HSPA12A: variants seen among roughly 807,000 people sequenced by gnomAD.
HSPA12A encodes heat shock protein family A (Hsp70) member 12A, also known as heat shock 70 kDa protein 12A.
A neutral mutation model predicts 69.2 loss-of-function variants in HSPA12A; 28 were observed. That is an observed-to-expected ratio of 0.40 (90% CI 0.30 to 0.55). The LOEUF (loss-of-function observed/expected upper bound fraction) is 0.55, where lower values mean the gene tolerates loss of function less well. Ranked by LOEUF, HSPA12A falls within the 20% of genes least tolerant of loss-of-function variation. The pLI is 0.38. For missense variants in HSPA12A, 686 were observed against 900.7 expected (o/e 0.76, Z 3.05); for synonymous variants, 345 against 370.5 (o/e 0.93, Z 0.79).
chr10:116,704,010 G>T (rs1226186411), intron 3 of HSPA12A, among the ~76,000 whole-genome samples: 1 of 152,206 alleles, frequency 6.6e-6, no homozygotes, highest in East Asian at 1.9e-4. Flanking sequence ...TTACACTGTT[G>T]GTGGGACTGT....
chr10:116,681,380 T>G, intron 8 of HSPA12A, 124 bp from the exon 9 acceptor site: 2 of 726,898 alleles, frequency 2.8e-6, no homozygotes, highest in Non-Finnish European at 4.9e-6. Flanking sequence ...CACAATGGTT[T>G]TGCTAATTAG....
intron 1 of HSPA12A, chr10:116,835,165 G>A: frequency 2.6e-6 from 1 of 379,112 alleles, no homozygotes; most frequent in Non-Finnish European, 4.5e-6. Flanking sequence ...TGGGCGCAGA[G>A]GAGCTGGGTC....
intron 7 of HSPA12A, among the ~76,000 whole-genome samples, chr10:116,682,465 G>A (rs566176438): frequency 9.3e-5 from 14 of 150,676 alleles, no homozygotes; most frequent in East Asian, 8.0e-4. Context: ...TGGGGGGGGG[G>A]GCCATTTCCT....
chr10:116,790,066 G>T (rs1844667604), intron 2 of HSPA12A, among the ~76,000 whole-genome samples: 1 of 145,960 alleles, frequency 6.9e-6, no homozygotes, highest in Non-Finnish European at 1.5e-5. Flanking sequence ...AGGAATCCCT[G>T]CATGGTATGG....
At chr10:116,752,035 T>A (rs1554888400) in intron 2 of HSPA12A, among the ~76,000 whole-genome samples, 1 of 152,234 alleles carries the variant, frequency 6.6e-6, no homozygotes, top group Non-Finnish European at 1.5e-5. Flanking sequence ...GCTATTTCTT[T>A]ATAGCAACAC....
intron 2 of HSPA12A, chr10:116,829,425 G>A (rs1291895033): frequency 6.6e-6 from 1 of 152,354 alleles, no homozygotes; most frequent in Non-Finnish European, 1.5e-5. Flanking sequence ...AAGCAGGAAG[G>A]GGTAAGACAG....
chr10:116,681,697 A>G (rs975589008), intron 8 of HSPA12A, 94 bp downstream of exon 8: 1 of 1,134,602 alleles, frequency 8.8e-7, no homozygotes, highest in African/African-American at 1.5e-5. Flanking sequence ...GAGTTTGAAC[A>G]TTTTCCAAAA....
rs1180769654 is a variant in HSPA12A at position 116,671,525 on chromosome 10, G to A, written c.*3256C>T. On this transcript the variant is annotated 3_prime_UTR_variant, in exon 12 of 12. Coordinates refer to ENST00000369209, the MANE Select transcript of HSPA12A (RefSeq NM_025015.3). ...GACTCCTGTTTACATTGGTGCATGC[G>A]ATTCTTTGCTACCCTGGCAATTAAC... is the stretch of plus-strand genomic sequence containing the variant. 2.0e-5 allele frequency: 3 copies of A among 152,502 alleles called. No homozygotes were observed. The highest frequency in any genetic ancestry group is 7.2e-5 in the African/African-American group (3 of 41,426). 9.4% of individuals were successfully genotyped at this position (152,502 alleles called of 1,614,324 possible).
intron 2 of HSPA12A, among the ~76,000 whole-genome samples, chr10:116,786,631 G>C (rs1844582997): frequency 6.6e-6 from 1 of 151,872 alleles, no homozygotes; most frequent in Non-Finnish European, 1.5e-5. Flanking sequence ...AGAATCTCCT[G>C]GGGAATTATT....
chr10:116,787,636 T>C (rs1844606653), intron 2 of HSPA12A, among the ~76,000 whole-genome samples: 1 of 152,094 alleles, frequency 6.6e-6, no homozygotes, highest in Admixed American at 6.5e-5. Flanking sequence ...ATTATGGCCT[T>C]TGGGGAAGAA....
rs913314374 is a variant in HSPA12A, at chr10:116,686,454, T to C, written c.664-2492A>G. Among the ~76,000 whole-genome samples the C allele has an allele frequency of 7.2e-5, 11 of 152,190 alleles. No homozygotes were observed. The highest frequency in any genetic ancestry group is 2.7e-4 in the African/African-American group (11 of 41,448). The stretch of plus-strand genomic sequence containing the variant: ...AAAGAAACTGCCAGGCCTGTATGTA[T>C]ACAATTCTCCTCCAAAGTTCAAACT... On this transcript the variant is annotated intron_variant, in intron 6 of 11. Coordinates refer to ENST00000369209, the MANE Select transcript of HSPA12A (RefSeq NM_025015.3). The surrounding 1 kb of genome is among the most constrained non-coding windows in gnomAD (Gnocchi z 4.1).
intron 3 of HSPA12A, among the ~76,000 whole-genome samples, chr10:116,701,996 AAGAACCATAGAAAC>A (rs2132968695): frequency 6.6e-6 from 1 of 152,206 alleles, no homozygotes; most frequent in African/African-American, 2.4e-5. Flanking sequence ...GCAGAGGTGA[AAGAACCATAGAAAC>A]AGATCTCAGC....
At chr10:116,832,190 A>T (rs984884114) in intron 2 of HSPA12A, 1 of 152,078 alleles carries the variant, frequency 6.6e-6, no homozygotes, top group African/African-American at 2.4e-5. Flanking sequence ...TTTTTTTGAG[A>T]CAGAGTCTCG....
At chr10:116,799,683 G>A (rs114598496) in intron 2 of HSPA12A, among the ~76,000 whole-genome samples, 4,262 of 152,192 alleles carry the variant, frequency 0.028, 199 homozygotes, top group African/African-American at 0.097. Context: ...AGCCCACACC[G>A]GCCCTGTGCC....
At chr10:116,793,445 C>T (rs1473867963) in intron 2 of HSPA12A, among the ~76,000 whole-genome samples, 1 of 152,128 alleles carries the variant, frequency 6.6e-6, no homozygotes, top group Non-Finnish European at 1.5e-5. Flanking sequence ...GTGGTATGCA[C>T]CTGTAGTACC....
intron 2 of HSPA12A, among the ~76,000 whole-genome samples, chr10:116,800,451 T>G (rs1437334939): frequency 6.6e-6 from 1 of 152,124 alleles, no homozygotes; most frequent in African/African-American, 2.4e-5. Context: ...CCCCACTGTG[T>G]CCTGAGAGCA....
chr10:116,784,729 G>A (rs536427178), intron 2 of HSPA12A, among the ~76,000 whole-genome samples: 41 of 152,340 alleles, frequency 2.7e-4, no homozygotes, highest in African/African-American at 9.4e-4. Context: ...CCAGCTGACT[G>A]GCTGAGGAAT....
intron 2 of HSPA12A, among the ~76,000 whole-genome samples, chr10:116,756,993 A>C (rs1020995290): frequency 6.6e-6 from 1 of 152,174 alleles, no homozygotes; most frequent in African/African-American, 2.4e-5. Flanking sequence ...AATTCACTTA[A>C]TCTTCCAACA....
In HSPA12A at chr10:116,849,627, C is replaced by A. The variant is rs756587535; in HGVS notation, c.-59G>T. On this transcript the variant is annotated 5_prime_UTR_variant, in exon 1 of 13. Transcript: ENST00000635765. Reference sequence around the variant, plus strand: ...CACTAGGGAGCTGCAGAAGCTGAAGCAGCAGGCGATGGAGTACTACCGGGA... The same window carrying A: ...CACTAGGGAGCTGCAGAAGCTGAAGAAGCAGGCGATGGAGTACTACCGGGA... 1.9e-6 allele frequency: 3 copies of A among 1,550,230 alleles called. No homozygotes were observed. In the South Asian group the frequency reaches 3.6e-5, roughly 18 times the overall value.
Sources: allele counts gnomAD v4.1 joint callset (sites outside exome capture counted in the v4.1 genomes callset), GRCh38; gene constraint gnomAD v4.1.1; non-coding constraint Gnocchi (gnomAD v3.1); transcripts MANE v1.5; gene names NCBI Gene and HGNC (gene_info 2026-07-23, HGNC 2026-07-21).